The following CEP112 variants were observed in gnomAD, a reference collection of about 807,000 sequenced individuals.
The protein encoded by CEP112 is centrosomal protein of 112 kDa.
In CEP112, 127 loss-of-function variants were observed where a neutral mutation model predicts 153.0. That is an observed-to-expected ratio of 0.83 (90% CI 0.72 to 0.96). The LOEUF (loss-of-function observed/expected upper bound fraction) is 0.96, where lower values mean the gene tolerates loss of function less well. CEP112 is among the 40% of genes least tolerant of loss of function. The pLI is 0.00. For missense variants in CEP112, 1,089 were observed against 1,101.2 expected, an observed-to-expected ratio of 0.99 and a Z score of 0.16; for synonymous variants, 358 against 374.4, an observed-to-expected ratio of 0.96 and a Z score of 0.51.
chr17:65,962,374 A>G (rs2062236627), intron 17 of CEP112, among the ~76,000 whole-genome samples: 1 of 152,132 alleles, frequency 6.6e-6, no homozygotes, highest in Admixed American at 6.5e-5. Flanking sequence ...GCCTAAAATT[A>G]TTTTACTGCC....
At chr17:65,924,040 G>A (rs369813618) in intron 19 of CEP112, among the ~76,000 whole-genome samples, 14 of 151,968 alleles carry the variant, frequency 9.2e-5, no homozygotes, top group South Asian at 4.1e-4. Context: ...GCAGTGGTGC[G>A]ATTTTGGCTC....
intron 21 of CEP112, among the ~76,000 whole-genome samples, chr17:65,780,597 T>C (rs1338592416): frequency 2.6e-5 from 4 of 152,140 alleles, no homozygotes. Context: ...TTACACTTTA[T>C]ACTAAAATCT....
intron 4 of CEP112, among the ~76,000 whole-genome samples, chr17:66,134,748 G>GGA (rs1367165223): frequency 6.6e-6 from 1 of 152,164 alleles, no homozygotes; most frequent in Non-Finnish European, 1.5e-5. Context: ...GAGACCAGCG[G>GGA]GAGGTTGAGG....
chr17:65,706,250 G>T (rs2048907718), intron 23 of CEP112, among the ~76,000 whole-genome samples: 1 of 152,336 alleles, frequency 6.6e-6, no homozygotes, highest in Non-Finnish European at 1.5e-5. Context: ...AATAGCTACA[G>T]TTCTGACAGG....
intron 4 of CEP112, among the ~76,000 whole-genome samples, chr17:66,162,945 T>C (rs1416154556): frequency 3.9e-5 from 6 of 152,186 alleles, no homozygotes; most frequent in Admixed American, 2.6e-4. Flanking sequence ...ACTATAGCTA[T>C]ATTTATTAAC....
intron 19 of CEP112, among the ~76,000 whole-genome samples, chr17:65,920,761 G>A (rs1327157212): frequency 6.6e-6 from 1 of 151,950 alleles, no homozygotes; most frequent in South Asian, 2.1e-4. Flanking sequence ...GACCTGAAAT[G>A]TAAACAATAG....
At chr17:65,877,492 A>G (rs1372299597) in intron 20 of CEP112, among the ~76,000 whole-genome samples, 2 of 152,096 alleles carry the variant, frequency 1.3e-5, no homozygotes, top group Non-Finnish European at 2.9e-5. Context: ...GGCACCCTTT[A>G]TTTGTTGTTC....
intron 21 of CEP112, among the ~76,000 whole-genome samples, chr17:65,765,097 C>T (rs1249586421): frequency 2.4e-5 from 3 of 127,094 alleles, no homozygotes; most frequent in Non-Finnish European, 4.8e-5. Flanking sequence ...CTCTCTATTG[C>T]ATTTTTAAAT....
At chr17:65,826,304 G>T (rs151095214) in intron 21 of CEP112, 5 of 1,613,970 alleles carry the variant, frequency 3.1e-6, no homozygotes, top group Non-Finnish European at 4.2e-6. Context: ...CCACATCTTC[G>T]TTGACCCCCA....
chr17:66,069,444 T>C (rs916671046), intron 9 of CEP112, among the ~76,000 whole-genome samples: 6 of 152,098 alleles, frequency 3.9e-5, no homozygotes, highest in African/African-American at 1.4e-4. Context: ...AATGAGCTAC[T>C]TGAAAAACAA....
In CEP112 at chr17:65,963,237, T is replaced by C. The variant is rs899692782; in HGVS notation, c.1737-1639A>G. On this transcript the variant is annotated intron_variant, in intron 17 of 26. Transcript: ENST00000535342. ...GGAAAGCTTACACAAGTGAAAAATATGTTCTTACTATTAGCTGTAACACTG... is the reference window on the plus strand; with the variant it reads ...GGAAAGCTTACACAAGTGAAAAATACGTTCTTACTATTAGCTGTAACACTG... 4.6e-5 allele frequency among the ~76,000 whole-genome samples: 7 copies of C among 151,738 alleles called. No homozygotes were observed. The East Asian group carries it at 1.4e-3, about 29-fold the overall frequency.
intron 24 of CEP112, chr17:65,644,206 A>C: frequency 1.4e-6 from 1 of 697,820 alleles, no homozygotes; most frequent in South Asian, 1.7e-5. Flanking sequence ...GGGACCAGAA[A>C]GTGGCCATAG....
In CEP112 at chr17:66,191,110, C is replaced by T. The variant is rs2073146936; in HGVS notation, c.-9+887G>A. Among the ~76,000 whole-genome samples the T allele has an allele frequency of 6.6e-6, 1 of 152,118 alleles. No homozygotes were observed. The highest frequency in any genetic ancestry group is 6.6e-5 in the Admixed American group (1 of 15,260). On this transcript the variant is annotated intron_variant, in intron 1 of 26. Coordinates refer to ENST00000535342, the MANE Select transcript of CEP112 (RefSeq NM_001199165.4). This position sits in a 1 kb window ranked among gnomAD's most constrained non-coding sequence, Gnocchi z 4.2. ...ACAAATCTCAGTTTATTCTCTGGCC[C>T]GGCCCTACCATTTCCGCACCATTTC...
chr17:65,965,470 C>T (rs543910685), intron 17 of CEP112, among the ~76,000 whole-genome samples: 2 of 151,406 alleles, frequency 1.3e-5, no homozygotes, highest in South Asian at 4.2e-4. Context: ...CCAGTAAAAC[C>T]ATAATGAATA....
At chr17:65,963,160 T>G (rs1436231241) in intron 17 of CEP112, among the ~76,000 whole-genome samples, 2 of 152,096 alleles carry the variant, frequency 1.3e-5, no homozygotes, top group African/African-American at 2.4e-5. Flanking sequence ...ACTGCTTTCC[T>G]GATCTTCCAG....
intron 21 of CEP112, among the ~76,000 whole-genome samples, chr17:65,799,970 G>A (rs1279256419): frequency 6.6e-6 from 1 of 152,094 alleles, no homozygotes; most frequent in Non-Finnish European, 1.5e-5. Context: ...ATAAACTACA[G>A]GTGAGTCATA....
At chr17:65,994,377 G>C (rs114669289) in intron 17 of CEP112, among the ~76,000 whole-genome samples, 5,905 of 152,222 alleles carry the variant, frequency 0.039, 164 homozygotes, top group South Asian at 0.11. Flanking sequence ...ACCCAAGCTG[G>C]AGTATGGTGG....
intron 17 of CEP112, among the ~76,000 whole-genome samples, chr17:66,004,362 G>T (rs577288620): frequency 6.6e-6 from 1 of 152,084 alleles, no homozygotes; most frequent in South Asian, 2.1e-4. Flanking sequence ...GTGGTGGCGT[G>T]TGCCTGTAAT....
intron 21 of CEP112, among the ~76,000 whole-genome samples, chr17:65,798,412 A>G (rs980631471): frequency 1.1e-4 from 17 of 152,170 alleles, no homozygotes; most frequent in Non-Finnish European, 2.2e-4. Context: ...AGTCATCAGT[A>G]AGATCCACCA....
Sources: allele counts gnomAD v4.1 joint callset (sites outside exome capture counted in the v4.1 genomes callset), GRCh38; gene constraint gnomAD v4.1.1; non-coding constraint Gnocchi (gnomAD v3.1); transcripts MANE v1.5; gene names NCBI Gene and HGNC (gene_info 2026-07-23, HGNC 2026-07-21).